APOO: variants seen among roughly 807,000 people sequenced by gnomAD.
The protein encoded by APOO is apolipoprotein O.
APOO carries 11 observed loss-of-function variants against 23.1 expected under a neutral mutation model. That is an observed-to-expected ratio of 0.48 (90% CI 0.30 to 0.79). The LOEUF (loss-of-function observed/expected upper bound fraction) is 0.79, where lower values mean the gene tolerates loss of function less well. Among genes scored for constraint, APOO ranks in the 30% least tolerant of loss-of-function variants. APOO has a pLI of 0.07. For missense variants in APOO, 160 were observed against 142.7 expected, an observed-to-expected ratio of 1.12 and a Z score of -0.62; for synonymous variants, 59 against 54.8, an observed-to-expected ratio of 1.08 and a Z score of -0.34.
At chrX:23,860,431 C>A (rs1569231810) in intron 5 of APOO, among the ~76,000 whole-genome samples, 1 of 110,452 alleles carries the variant, frequency 9.1e-6, no homozygotes, top group Non-Finnish European at 1.9e-5. Context: ...GTAATCCTAG[C>A]ACTTGGGGAG....
intron 1 of APOO, among the ~76,000 whole-genome samples, chrX:23,882,557 A>T (rs1926195639): frequency 8.9e-6 from 1 of 112,362 alleles, no homozygotes; most frequent in Admixed American, 9.5e-5. Flanking sequence ...GCACAGCCAT[A>T]GAAATAGGAA....
At chrX:23,861,690 C>T (rs773473861) in intron 5 of APOO, among the ~76,000 whole-genome samples, 1 of 109,382 alleles carries the variant, frequency 9.1e-6, no homozygotes, top group South Asian at 4.0e-4. Flanking sequence ...GAGAAAAGCC[C>T]TCCTCACACT....
intron 7 of APOO, among the ~76,000 whole-genome samples, chrX:23,841,101 C>A (rs1923949483): frequency 8.9e-6 from 1 of 111,956 alleles, no homozygotes; most frequent in Non-Finnish European, 1.9e-5. Context: ...CAGGAGGCTG[C>A]AGCTGGGCGG....
chrX:23,837,850 G>C (rs1569224278), intron 8 of APOO, among the ~76,000 whole-genome samples: 1 of 105,070 alleles, frequency 9.5e-6, no homozygotes, highest in Non-Finnish European at 1.9e-5. Flanking sequence ...TGTAGAGACA[G>C]GGTTTCGCCA....
chrX:23,874,290 T>A (rs962625915), intron 4 of APOO, 113 bp downstream of exon 4: 1 of 689,626 alleles, frequency 1.5e-6, no homozygotes, highest in African/African-American at 2.2e-5. Flanking sequence ...TCTAAAATTC[T>A]GCATATAATT....
At chrX:23,851,647 T>C (rs764979033) in intron 7 of APOO, among the ~76,000 whole-genome samples, 1 of 112,622 alleles carries the variant, frequency 8.9e-6, no homozygotes, top group Non-Finnish European at 1.9e-5. Flanking sequence ...ACACCTATCT[T>C]TGCTTCATAG....
intron 5 of APOO, among the ~76,000 whole-genome samples, chrX:23,859,789 C>T (rs1005703628): frequency 1.8e-5 from 2 of 111,717 alleles, no homozygotes; most frequent in South Asian, 7.4e-4. Context: ...ATATACGGTC[C>T]TTTGTGACTG....
intron 3 of APOO, among the ~76,000 whole-genome samples, chrX:23,875,230 T>A (rs1162911081): frequency 1.0e-4 from 10 of 100,068 alleles, no homozygotes; most frequent in Non-Finnish European, 1.8e-4. Context: ...AGCCTGGGCG[T>A]GTCTCAAAAA....
intron 8 of APOO, among the ~76,000 whole-genome samples, chrX:23,836,104 A>G (rs1432700037): frequency 8.9e-6 from 1 of 112,482 alleles, no homozygotes; most frequent in African/African-American, 3.2e-5. Context: ...ATTGAACTGG[A>G]TATTAGATGA....
intron 1 of APOO, among the ~76,000 whole-genome samples, chrX:23,896,804 ATTT>A (rs60669314): frequency 2.2e-4 from 19 of 84,743 alleles, no homozygotes; most frequent in Admixed American, 4.1e-4. Context: ...ACACTCAGCT[ATTT>A]TTTTTTTTTT....
At chrX:23,885,328 G>A (rs1019454016) in intron 1 of APOO, among the ~76,000 whole-genome samples, 1 of 109,118 alleles carries the variant, frequency 9.2e-6, no homozygotes, top group African/African-American at 3.3e-5. Flanking sequence ...GAAACTGGGA[G>A]GCAGGGGTTG....
intron 1 of APOO, among the ~76,000 whole-genome samples, chrX:23,884,340 G>A (rs1344455986): frequency 2.7e-5 from 3 of 110,201 alleles, no homozygotes. Context: ...AGGAGAAAGA[G>A]GAGAAAGTAG....
At chrX:23,851,593 A>G (rs1358183192) in intron 7 of APOO, among the ~76,000 whole-genome samples, 2 of 112,754 alleles carry the variant, frequency 1.8e-5, no homozygotes, top group Non-Finnish European at 1.9e-5. Flanking sequence ...CTTGTAACTT[A>G]AAAGAAAGCC....
intron 1 of APOO, among the ~76,000 whole-genome samples, chrX:23,891,635 C>T (rs1601937721): frequency 1.8e-5 from 2 of 111,826 alleles, no homozygotes; most frequent in South Asian, 7.4e-4. Context: ...GTGTTTCTAA[C>T]TCCCTGAGGG....
intron 7 of APOO, among the ~76,000 whole-genome samples, chrX:23,841,486 TAAAAAAAAA>T (rs543879334): frequency 1.5e-5 from 1 of 65,085 alleles, no homozygotes; most frequent in East Asian, 5.2e-4. Context: ...AAAAGAAGTT[TAAAAAAAAA>T]AAAAAAAAAA....
intron 1 of APOO, among the ~76,000 whole-genome samples, chrX:23,891,004 T>C (rs896975056): frequency 9.0e-6 from 1 of 111,182 alleles, no homozygotes; most frequent in African/African-American, 3.3e-5. Flanking sequence ...ACATCTGGCA[T>C]CTTGGTTGCA....
At chrX:23,885,699 G>A (rs888998802) in intron 1 of APOO, among the ~76,000 whole-genome samples, 2 of 109,864 alleles carry the variant, frequency 1.8e-5, no homozygotes, top group African/African-American at 6.6e-5. Flanking sequence ...TCCCTTTACT[G>A]CCTAAACTGT....
intron 5 of APOO, among the ~76,000 whole-genome samples, chrX:23,866,778 G>GA (rs1925354682): frequency 9.2e-6 from 1 of 108,641 alleles, no homozygotes; most frequent in African/African-American, 3.4e-5. Flanking sequence ...GACAGAGTGA[G>GA]ACCCTGTCTC....
chrX:23,836,362 T>TG (rs1216992888), intron 8 of APOO, among the ~76,000 whole-genome samples: 2 of 111,152 alleles, frequency 1.8e-5, no homozygotes, highest in Admixed American at 1.9e-4. Flanking sequence ...TCACCCAGGC[T>TG]GGAGTGCAGT....
Sources: gnomAD v4.1 joint callset for allele counts (sites outside exome capture counted in the v4.1 genomes callset) on GRCh38, gnomAD v4.1.1 for gene constraint, MANE v1.5 for transcripts, NCBI Gene and HGNC (gene_info 2026-07-23, HGNC 2026-07-21) for gene names.